Variants in NAV3 observed in about 807,000 individuals in gnomAD.
NAV3 encodes pore membrane and/or filament interacting like protein 1.
In NAV3, 87 loss-of-function variants were observed where a neutral mutation model predicts 244.7. The ratio of observed to expected loss-of-function variants is 0.36; its 90% confidence interval spans 0.30 to 0.42. The LOEUF (loss-of-function observed/expected upper bound fraction) is 0.42, where lower values mean the gene tolerates loss of function less well. Among genes scored for constraint, NAV3 ranks in the 20% least tolerant of loss-of-function variants. The probability of loss-of-function intolerance (pLI) is 1.00; values close to 1 mark genes in which losing one functional copy is unlikely to be tolerated. For missense variants in NAV3, 2,663 were observed against 2,893.3 expected, an observed-to-expected ratio of 0.92 and a Z score of 1.83; for synonymous variants, 1,126 against 1,042.2, an observed-to-expected ratio of 1.08 and a Z score of -1.55.
chr12:77,782,323 T>TTTTCTTCTCCCCTCCCTCCC (rs2135918875), intron 2 of NAV3, among the ~76,000 whole-genome samples: 1 of 144,564 alleles, frequency 6.9e-6, no homozygotes, highest in Non-Finnish European at 1.5e-5. Flanking sequence ...TCCTTCCTTC[T>TTTTCTTCTCCCCTCCCTCCC]TTTCTTCTCC....
At chr12:77,888,487 C>CAATTAAAT in intron 1 of NAV3, among the ~76,000 whole-genome samples, 1 of 152,064 alleles carries the variant, frequency 6.6e-6, no homozygotes, top group African/African-American at 2.4e-5. Flanking sequence ...AAAAATTAAC[C>CAATTAAAT]AATTAAATAA....
intron 20 of NAV3, among the ~76,000 whole-genome samples, chr12:78,141,475 C>G (rs1231000613): frequency 6.6e-6 from 1 of 152,076 alleles, no homozygotes; most frequent in Non-Finnish European, 1.5e-5. Flanking sequence ...GAGTTCATAG[C>G]CTCTGCTGTC....
At chr12:77,644,709 T>A (rs1872548129) in intron 2 of NAV3, among the ~76,000 whole-genome samples, 1 of 152,156 alleles carries the variant, frequency 6.6e-6, no homozygotes, top group Non-Finnish European at 1.5e-5. Flanking sequence ...CATGTTTGTT[T>A]ATTAGAGGTC....
intron 11 of NAV3, among the ~76,000 whole-genome samples, chr12:78,053,771 A>T (rs943696962): frequency 2.6e-5 from 4 of 152,188 alleles, no homozygotes; most frequent in Non-Finnish European, 5.9e-5. Flanking sequence ...GTATCACTTT[A>T]TTTAGCCTTA....
intron 29 of NAV3, 82 bp downstream of exon 29, chr12:78,179,764 TA>T (rs1320636976): frequency 6.9e-7 from 1 of 1,453,208 alleles, no homozygotes; most frequent in East Asian, 2.3e-5. Flanking sequence ...TAACACAGAA[TA>T]AATTCCACTT....
At chr12:78,039,305 T>C (rs183027522) in intron 9 of NAV3, among the ~76,000 whole-genome samples, 1 of 152,214 alleles carries the variant, frequency 6.6e-6, no homozygotes, top group African/African-American at 2.4e-5. Flanking sequence ...TCCAAGTTAG[T>C]TTTTAGGTGG....
chr12:77,951,903 C>T (rs1198578404), intron 3 of NAV3, among the ~76,000 whole-genome samples: 1 of 151,978 alleles, frequency 6.6e-6, no homozygotes, highest in Non-Finnish European at 1.5e-5. Context: ...GAACATCACA[C>T]ACCAGGGTCT....
intron 1 of NAV3, among the ~76,000 whole-genome samples, chr12:77,869,034 A>C (rs889178066): frequency 6.6e-6 from 1 of 151,108 alleles, no homozygotes; most frequent in Non-Finnish European, 1.5e-5. Flanking sequence ...ATCGAGGTAA[A>C]AAACAAACAA....
chr12:77,869,103 G>A (rs566340623), intron 1 of NAV3, among the ~76,000 whole-genome samples: 6 of 152,116 alleles, frequency 3.9e-5, no homozygotes, highest in East Asian at 1.9e-4. Context: ...AGCTGAGGAC[G>A]CGAGGATTAA....
At chr12:77,845,716 C>T (rs538554895) in intron 1 of NAV3, among the ~76,000 whole-genome samples, 2 of 148,384 alleles carry the variant, frequency 1.3e-5, no homozygotes, top group South Asian at 4.3e-4. Context: ...TGCAATGTCA[C>T]GATCTTGGCT....
At chr12:77,765,418 G>A (rs1041960835) in intron 2 of NAV3, among the ~76,000 whole-genome samples, 15 of 152,192 alleles carry the variant, frequency 9.9e-5, no homozygotes, top group Admixed American at 3.9e-4. Flanking sequence ...TGCCTTTGAA[G>A]CACACATGCT....
intron 29 of NAV3, 56 bp downstream of exon 29, chr12:78,179,738 A>C: frequency 6.4e-7 from 1 of 1,550,836 alleles, no homozygotes; most frequent in East Asian, 2.3e-5. Context: ...AATGCTGCTT[A>C]TTCTGTTCTC....
intron 8 of NAV3, among the ~76,000 whole-genome samples, chr12:78,018,192 A>G (rs1360037754): frequency 6.6e-6 from 1 of 152,152 alleles, no homozygotes; most frequent in Non-Finnish European, 1.5e-5. Context: ...GACTTAAACT[A>G]AAAGACATAA....
intron 1 of NAV3, among the ~76,000 whole-genome samples, chr12:77,921,905 C>CCATT (rs1887743081): frequency 6.6e-6 from 1 of 151,994 alleles, no homozygotes; most frequent in South Asian, 2.1e-4. Flanking sequence ...AATTGTTTCA[C>CCATT]GTGTAATATA....
intron 12 of NAV3, among the ~76,000 whole-genome samples, chr12:78,074,170 A>G (rs1038428469): frequency 2.0e-5 from 3 of 152,220 alleles, no homozygotes; most frequent in Non-Finnish European, 2.9e-5. Flanking sequence ...GAGGCAGTTT[A>G]TACTACAGGA....
chr12:77,673,747 A>G (rs1265869388), intron 2 of NAV3, among the ~76,000 whole-genome samples: 1 of 152,188 alleles, frequency 6.6e-6, no homozygotes, highest in South Asian at 2.1e-4. Flanking sequence ...AATTTTCTAT[A>G]GAAAATATTT....
At chr12:77,654,837 C>T (rs1873011315) in intron 2 of NAV3, among the ~76,000 whole-genome samples, 1 of 151,110 alleles carries the variant, frequency 6.6e-6, no homozygotes, top group Non-Finnish European at 1.5e-5. Flanking sequence ...CTGCTAATAC[C>T]CAGGCAAACA....
intron 2 of NAV3, among the ~76,000 whole-genome samples, chr12:77,794,618 A>T (rs1214246644): frequency 1.3e-5 from 2 of 152,136 alleles, no homozygotes; most frequent in African/African-American, 4.8e-5. Context: ...TGCATTTTTT[A>T]AAAAAACTAA....
At chr12:77,833,662 T>C (rs957779912) in intron 1 of NAV3, among the ~76,000 whole-genome samples, 2 of 152,236 alleles carry the variant, frequency 1.3e-5, no homozygotes, top group Non-Finnish European at 2.9e-5. Context: ...CTCTGCCTTA[T>C]TGCAAGGGCA....
Sources: gnomAD v4.1 joint callset for allele counts (sites outside exome capture counted in the v4.1 genomes callset) on GRCh38, gnomAD v4.1.1 for gene constraint, MANE v1.5 for transcripts, NCBI Gene and HGNC (gene_info 2026-07-23, HGNC 2026-07-21) for gene names.